CALCRL: variants seen among roughly 807,000 people sequenced by gnomAD.
The protein encoded by CALCRL is calcitonin receptor like receptor.
Under a neutral mutation model 60.4 loss-of-function variants are expected in CALCRL, and 27 were observed. The observed-to-expected ratio is 0.45, with a 90% CI of 0.33 to 0.62. The LOEUF is 0.62. CALCRL is among the 20% of genes least tolerant of loss of function. The pLI is 0.03. For missense variants in CALCRL, 424 were observed against 540.7 expected (o/e 0.78, Z 2.14); for synonymous variants, 190 against 182.6 (o/e 1.04, Z -0.33).
At chr2:187,373,350 T>C (rs1392293690) in intron 8 of CALCRL, among the ~76,000 whole-genome samples, 2 of 152,170 alleles carry the variant, frequency 1.3e-5, no homozygotes, top group Non-Finnish European at 2.9e-5. Context: ...GATTCAAAAA[T>C]TGAGTAAGCT....
intron 1 of CALCRL, among the ~76,000 whole-genome samples, chr2:187,401,033 A>G (rs960360875): frequency 2.6e-5 from 4 of 151,574 alleles, no homozygotes; most frequent in Non-Finnish European, 5.9e-5. Flanking sequence ...CTCAGAGGGT[A>G]TATGTGCAGG....
At chr2:187,362,711 A>G (rs995852665) in intron 9 of CALCRL, among the ~76,000 whole-genome samples, 89 of 152,168 alleles carry the variant, frequency 5.8e-4, no homozygotes, top group African/African-American at 2.0e-3. Context: ...CTTACACAAA[A>G]TATTTACATT....
chr2:187,400,228 T>A (rs536754730), intron 1 of CALCRL, among the ~76,000 whole-genome samples: 43 of 151,426 alleles, frequency 2.8e-4, no homozygotes, highest in East Asian at 1.2e-3. Flanking sequence ...GTCATTTTTT[T>A]AAAAAAATTG....
intron 1 of CALCRL, among the ~76,000 whole-genome samples, chr2:187,445,225 C>G (rs1166442812): frequency 6.6e-6 from 1 of 151,562 alleles, no homozygotes; most frequent in Non-Finnish European, 1.5e-5. Context: ...CTTTCATTAA[C>G]ACCCTTGCAA....
rs1490548618 is a variant in CALCRL, at chr2:187,380,498, T to C, written c.377A>G (p.Gln126Arg). The C allele has an allele frequency of 6.2e-6, 10 of 1,609,162 alleles. No homozygotes were observed. The highest frequency in any genetic ancestry group is 8.5e-6 in the Non-Finnish European group (10 of 1,175,580). The change falls in exon 7 of 15, where the codon CAG (glutamine) becomes CGG (arginine). Residue 126 changes from glutamine to arginine, a missense_variant. Around this residue, in one of 7 missense-constraint regions of CALCRL, gnomAD observed 2 missense variants for 17.1 expected, o/e 0.12. Coordinates refer to ENST00000392370, the MANE Select transcript of CALCRL (RefSeq NM_005795.6). ...TTTCTCGTGGGTGTTAACATTACAC[T>C]GGGTATAATTTGTCCATGTTCTGTT... The part of the protein sequence containing the change: ...ASNRTWTNYT[Q>R]CNVNTHEKVK...
At chr2:187,357,039 T>A (rs2105715502) in intron 12 of CALCRL, among the ~76,000 whole-genome samples, 1 of 152,258 alleles carries the variant, frequency 6.6e-6, no homozygotes, top group African/African-American at 2.4e-5. Context: ...ATAAGAACAC[T>A]TTTACAATGT....
intron 1 of CALCRL, among the ~76,000 whole-genome samples, chr2:187,429,299 A>G (rs1454692459): frequency 6.6e-6 from 1 of 152,166 alleles, no homozygotes; most frequent in Non-Finnish European, 1.5e-5. Context: ...ATTATAAATC[A>G]CATAGTTGGT....
intron 1 of CALCRL, among the ~76,000 whole-genome samples, chr2:187,435,169 C>G (rs1690576907): frequency 6.6e-6 from 1 of 152,246 alleles, no homozygotes; most frequent in African/African-American, 2.4e-5. Context: ...GTTGAATTGG[C>G]TCACGGTTCT....
chr2:187,385,644 A>G lies in CALCRL; in HGVS notation c.-36-13T>C, dbSNP rs967928394. The G allele has an allele frequency of 1.6e-6, 2 of 1,263,004 alleles. No homozygotes were observed. The highest frequency in any genetic ancestry group is 1.5e-5 in the African/African-American group (1 of 64,930). The allele number at this position is 1,263,004 out of a possible 1,614,324, so 78.2% of individuals were successfully genotyped here. On this transcript the variant is annotated splice_polypyrimidine_tract_variant and intron_variant, in intron 3 of 14. Transcript: ENST00000392370. ...TGTATAACATAAACTGCAACAGAAA[A>G]TAAAAGAAATATAATTCATCAATAT...
Position 187,359,487 on chromosome 2 carries a change from T to C in CALCRL, c.782-215A>G, listed in dbSNP as rs183394436. ...TTGTGTTTGTGTGTTTATGTGTGTA[T>C]GTTTTCTTCTACTATAATTCATAAG... On this transcript the variant is annotated intron_variant, in intron 10 of 14. Coordinates refer to ENST00000392370, the MANE Select transcript of CALCRL (RefSeq NM_005795.6). Among the ~76,000 whole-genome samples, 268 of 152,280 alleles carry C rather than the reference T, an allele frequency of 1.8e-3. 1 individual carries two copies. The highest frequency in any genetic ancestry group is 3.0e-3 in the Non-Finnish European group (203 of 68,006).
chr2:187,418,570 G>A (rs1268061860), intron 1 of CALCRL, among the ~76,000 whole-genome samples: 3 of 152,008 alleles, frequency 2.0e-5, no homozygotes, highest in Admixed American at 1.3e-4. Context: ...AAGGGTATAG[G>A]TCAAGGTTTA....
intron 1 of CALCRL, chr2:187,442,134 A>C (rs1690947725): frequency 1.4e-5 from 2 of 147,898 alleles, no homozygotes; most frequent in African/African-American, 4.9e-5. Context: ...ATATACATAC[A>C]TACACACACA....
At chr2:187,421,761 C>G (rs1294609988) in intron 1 of CALCRL, among the ~76,000 whole-genome samples, 3 of 152,168 alleles carry the variant, frequency 2.0e-5, no homozygotes, top group Admixed American at 6.5e-5. Flanking sequence ...CCATTTTCAT[C>G]TTCAGCTGTC....
intron 1 of CALCRL, among the ~76,000 whole-genome samples, chr2:187,437,309 G>A (rs1387686809): frequency 4.3e-5 from 6 of 141,136 alleles, no homozygotes; most frequent in Admixed American, 7.0e-5. Context: ...TTGGGAGGCC[G>A]AGGCAGGCTG....
At chr2:187,408,284 T>C (rs1051722789) in intron 1 of CALCRL, among the ~76,000 whole-genome samples, 2 of 152,100 alleles carry the variant, frequency 1.3e-5, no homozygotes, top group Admixed American at 6.6e-5. Context: ...TATATATTTA[T>C]GAAACATTTT....
chr2:187,420,478 T>G (rs978368080), intron 1 of CALCRL, among the ~76,000 whole-genome samples: 6 of 152,092 alleles, frequency 3.9e-5, no homozygotes, highest in African/African-American at 1.4e-4. Context: ...GAAAAAAATT[T>G]TTTTTAAGTT....
At chr2:187,446,159 T>C (rs756591794) in intron 1 of CALCRL, among the ~76,000 whole-genome samples, 7 of 151,726 alleles carry the variant, frequency 4.6e-5, no homozygotes, top group African/African-American at 7.2e-5. Context: ...GCATTGACTG[T>C]AGGCTCAATG....
At chr2:187,419,433 G>T (rs901933346) in intron 1 of CALCRL, among the ~76,000 whole-genome samples, 12 of 152,108 alleles carry the variant, frequency 7.9e-5, no homozygotes, top group African/African-American at 2.9e-4. Flanking sequence ...ATCCACACCT[G>T]CCAACACCTT....
At chr2:187,389,823 T>C (rs1008079498) in intron 1 of CALCRL, among the ~76,000 whole-genome samples, 1 of 152,168 alleles carries the variant, frequency 6.6e-6, no homozygotes, top group African/African-American at 2.4e-5. Context: ...ATTAACTTTA[T>C]CTACGAATTT....
Sources: allele counts gnomAD v4.1 joint callset (sites outside exome capture counted in the v4.1 genomes callset), GRCh38; gene constraint gnomAD v4.1.1; regional missense constraint gnomAD v4.1.1; transcripts MANE v1.5; gene names NCBI Gene and HGNC (gene_info 2026-07-23, HGNC 2026-07-21).